Variants in PLPPR1 observed in about 807,000 individuals in gnomAD.
PLPPR1 encodes the protein phospholipid phosphatase-related protein type 1.
A neutral mutation model predicts 33.1 loss-of-function variants in PLPPR1; 10 were observed. The ratio of observed to expected loss-of-function variants is 0.30; its 90% CI spans 0.19 to 0.51. The LOEUF is 0.51. Among genes scored for constraint, PLPPR1 ranks in the 20% least tolerant of loss-of-function variants. PLPPR1 has a pLI of 0.97. For missense variants in PLPPR1, 304 were observed against 408.1 expected (o/e 0.74, Z 2.20); for synonymous variants, 151 against 151.0 (o/e 1.00, Z 0.00).
chr9:101,089,913 C>A (rs1480346530), intron 1 of PLPPR1, among the ~76,000 whole-genome samples: 2 of 152,152 alleles, frequency 1.3e-5, no homozygotes, highest in African/African-American at 4.8e-5. Context: ...CAAAATACCA[C>A]AAACTTGGTG....
At chr9:101,078,160 AG>A (rs1830566771) in intron 1 of PLPPR1, among the ~76,000 whole-genome samples, 1 of 31,392 alleles carries the variant, frequency 3.2e-5, no homozygotes, top group Non-Finnish European at 6.1e-5. Context: ...AAGAAGAAGA[AG>A]AAGAAGAAGA....
intron 2 of PLPPR1, among the ~76,000 whole-genome samples, chr9:101,209,980 C>A (rs2118765095): frequency 6.6e-6 from 1 of 152,262 alleles, no homozygotes; most frequent in East Asian, 1.9e-4. Context: ...GAAAAATGAG[C>A]CATACTTCCT....
At chr9:101,109,134 ATTTTTTT>A (rs67666339) in intron 1 of PLPPR1, among the ~76,000 whole-genome samples, 3 of 99,774 alleles carry the variant, frequency 3.0e-5, no homozygotes, top group Non-Finnish European at 5.9e-5. Flanking sequence ...AATTTTTTGT[ATTTTTTT>A]TTTTTTTTTT....
At chr9:101,315,325 G>A (rs1043591770) in intron 6 of PLPPR1, among the ~76,000 whole-genome samples, 7 of 152,126 alleles carry the variant, frequency 4.6e-5, no homozygotes, top group African/African-American at 1.7e-4. Flanking sequence ...GGGTTTCAAA[G>A]GGAGATCAAT....
rs150913952 is a variant in PLPPR1, at chr9:101,189,479, G to A, written c.63+3922G>A. ...TCAACTTTTCCTGAATTCCAAAAGG[G>A]AGGAGGGTATAATGAGGCATGTCTG... is the stretch of plus-strand genomic sequence containing the variant. On this transcript the variant is annotated intron_variant, in intron 2 of 7. Coordinates refer to ENST00000374874, the MANE Select transcript of PLPPR1 (RefSeq NM_207299.2). Among the ~76,000 whole-genome samples the A allele has an allele frequency of 8.0e-3, 1,221 of 152,204 alleles. 13 individuals are homozygous for A. Among genetic ancestry groups the A allele is most frequent in the African/African-American group, 0.026 (1,070 of 41,520 alleles).
chr9:101,269,426 T>G (rs1828055177), intron 2 of PLPPR1, among the ~76,000 whole-genome samples: 1 of 152,180 alleles, frequency 6.6e-6, no homozygotes, highest in Non-Finnish European at 1.5e-5. Context: ...TACTCGTGGT[T>G]TACCTACCTT....
chr9:101,181,608 ATG>A (rs374750617), intron 1 of PLPPR1, among the ~76,000 whole-genome samples: 1,755 of 129,416 alleles, frequency 0.014, 23 homozygotes, highest in African/African-American at 0.029. Flanking sequence ...GGGTATATGT[ATG>A]TGTGTGTGTG....
At chr9:101,242,240 C>CTT (rs529626978) in intron 2 of PLPPR1, among the ~76,000 whole-genome samples, 4 of 138,194 alleles carry the variant, frequency 2.9e-5, no homozygotes, top group Admixed American at 7.4e-5. Context: ...AGCTGGAATT[C>CTT]TTTTTTTTTT....
At chr9:101,125,599 T>C (rs1831236017) in intron 1 of PLPPR1, 2 of 547,068 alleles carry the variant, frequency 3.7e-6, no homozygotes, top group Non-Finnish European at 6.9e-6. Flanking sequence ...CCCTTGCAAA[T>C]TTCCACTCCA....
chr9:101,180,506 C>T (rs1047472798), intron 1 of PLPPR1, among the ~76,000 whole-genome samples: 10 of 151,552 alleles, frequency 6.6e-5, no homozygotes, highest in South Asian at 2.1e-4. Flanking sequence ...CTATAATGAA[C>T]GAAAACAACA....
At chr9:101,239,207 A>T (rs1035598196) in intron 2 of PLPPR1, among the ~76,000 whole-genome samples, 1 of 151,668 alleles carries the variant, frequency 6.6e-6, no homozygotes, top group African/African-American at 2.4e-5. Context: ...TCACTTCCAT[A>T]TACTTCCTTT....
chr9:101,152,350 C>T (rs1831600550), intron 1 of PLPPR1, among the ~76,000 whole-genome samples: 1 of 152,142 alleles, frequency 6.6e-6, no homozygotes, highest in East Asian at 1.9e-4. Context: ...CTGTAGATTG[C>T]CTGTTCACTC....
Position 101,324,157 on chromosome 9 carries a change from C to A in PLPPR1, c.*100C>A. 1.0e-6 allele frequency: 1 copy of A among 973,330 alleles called. No individual in the cohort carries two copies. The highest frequency in any genetic ancestry group is 1.6e-6 in the Non-Finnish European group (1 of 627,250). 60.3% of individuals were successfully genotyped at this position (973,330 alleles called of 1,614,324 possible). The stretch of plus-strand genomic sequence containing the variant: ...TGTCAAACTGTGATGACAAATATTA[C>A]GTTTATCTAGTTAGAAGCTAATGTT... On this transcript the variant is annotated 3_prime_UTR_variant, in exon 8 of 8. Coordinates refer to ENST00000374874, the MANE Select transcript of PLPPR1 (RefSeq NM_207299.2).
At chr9:101,203,530 T>C (rs12336617) in intron 2 of PLPPR1, among the ~76,000 whole-genome samples, 18,523 of 151,976 alleles carry the variant, frequency 0.12, 1,382 homozygotes, top group East Asian at 0.28. Context: ...TATTGAACAC[T>C]TAAGGTTTCT....
intron 1 of PLPPR1, among the ~76,000 whole-genome samples, chr9:101,095,598 C>T (rs969543967): frequency 1.3e-5 from 2 of 152,116 alleles, no homozygotes; most frequent in African/African-American, 4.8e-5. Context: ...ATAAAACTTT[C>T]ACATAAAAGC....
intron 1 of PLPPR1, among the ~76,000 whole-genome samples, chr9:101,051,216 C>T (rs1460007767): frequency 6.6e-6 from 1 of 151,292 alleles, no homozygotes; most frequent in Non-Finnish European, 1.5e-5. Context: ...TTACCCATAT[C>T]CTCTTCTCTC....
chr9:101,177,498 T>G (rs76479386), intron 1 of PLPPR1, among the ~76,000 whole-genome samples: 2,314 of 152,244 alleles, frequency 0.015, 25 homozygotes, highest in Non-Finnish European at 0.024. Context: ...TTTGTTGTGG[T>G]GAAAGGAATG....
chr9:101,302,341 G>A (rs1564031924), intron 4 of PLPPR1, among the ~76,000 whole-genome samples: 1 of 152,162 alleles, frequency 6.6e-6, no homozygotes, highest in Non-Finnish European at 1.5e-5. Flanking sequence ...ATAAGGAAAT[G>A]GGATGAACAT....
rs117288751 is a variant in PLPPR1 at position 101,159,762 on chromosome 9, T to A, written c.-45-25688T>A. ...CACAAATGAGCGCAAAGGGATATTG[T>A]GTACAATGCTTCCATGAAGAAAGAG... is the stretch of plus-strand genomic sequence containing the variant. On this transcript the variant is annotated intron_variant, in intron 1 of 7. Coordinates refer to ENST00000374874, the MANE Select transcript of PLPPR1 (RefSeq NM_207299.2). Among the ~76,000 whole-genome samples, 28 of 152,306 alleles carry A rather than the reference T, an allele frequency of 1.8e-4. No homozygotes were observed. The East Asian group carries it at 3.9e-3, about 21-fold the overall frequency.
Sources: allele counts gnomAD v4.1 joint callset (sites outside exome capture counted in the v4.1 genomes callset), GRCh38; gene constraint gnomAD v4.1.1; transcripts MANE v1.5; gene names NCBI Gene and HGNC (gene_info 2026-07-23, HGNC 2026-07-21).